Variants in SEMA3A observed in about 807,000 individuals in gnomAD.
SEMA3A encodes the protein semaphorin 3A, also known as semaphorin-3A.
In SEMA3A, 29 loss-of-function variants were observed where a neutral mutation model predicts 97.9. The ratio of observed to expected loss-of-function variants is 0.30; its 90% confidence interval spans 0.22 to 0.40. The LOEUF is 0.40. SEMA3A is among the 10% of genes least tolerant of loss of function. The pLI is 1.00. For synonymous variants in SEMA3A, 321 were observed against 323.7 expected, an observed-to-expected ratio of 0.99 and a Z score of 0.09; for missense variants, 763 against 951.3, an observed-to-expected ratio of 0.80 and a Z score of 2.60.
rs184832550 is a variant in SEMA3A at position 84,205,199 on chromosome 7, T to C, written c.-82-10531A>G. Among the ~76,000 whole-genome samples, 258 of 152,334 alleles carry C rather than the reference T, an allele frequency of 1.7e-3. 1 individual carries two copies. Among genetic ancestry groups the C allele is most frequent in the Admixed American group, 3.5e-3 (53 of 15,298 alleles). ...GTACAATTATTATGGGAATATCTCC[T>C]GCTACTATTTATATTTCAAGTCATT... On this transcript the variant is annotated intron_variant, in intron 3 of 3. Coordinates refer to the SEMA3A transcript ENST00000424555.
At chr7:84,245,953 T>C (rs1296952242) in intron 3 of SEMA3A, among the ~76,000 whole-genome samples, 2 of 152,194 alleles carry the variant, frequency 1.3e-5, no homozygotes, top group Admixed American at 1.3e-4. Context: ...GCTGTGCCCA[T>C]AGCCGCCCCT....
chr7:84,221,848 A>AG (rs1798891038), intron 3 of SEMA3A, among the ~76,000 whole-genome samples: 1 of 152,050 alleles, frequency 6.6e-6, no homozygotes, highest in African/African-American at 2.4e-5. Context: ...AGAATTACCA[A>AG]AATGTGATAC....
At chr7:84,000,179 A>C (rs372897410) in intron 12 of SEMA3A, among the ~76,000 whole-genome samples, 25 of 150,646 alleles carry the variant, frequency 1.7e-4, no homozygotes, top group Middle Eastern at 3.4e-3. Context: ...AACAGAGTCC[A>C]TTTGGACAGT....
chr7:84,203,520 A>ATTTTTTTTT (rs1158876783), intron 3 of SEMA3A, among the ~76,000 whole-genome samples: 3 of 50,222 alleles, frequency 6.0e-5, no homozygotes, highest in African/African-American at 2.2e-4. Context: ...ATATATATAT[A>ATTTTTTTTT]TATATATTTT....
intron 4 of SEMA3A, among the ~76,000 whole-genome samples, chr7:84,084,382 CA>C (rs1044533738): frequency 1.3e-5 from 2 of 151,488 alleles, no homozygotes; most frequent in Non-Finnish European, 2.9e-5. Flanking sequence ...CGAAATATAG[CA>C]GGGGTGATAA....
intron 16 of SEMA3A, 66 bp downstream of exon 16, chr7:83,963,139 A>C: frequency 6.4e-7 from 1 of 1,555,188 alleles, no homozygotes; most frequent in Non-Finnish European, 8.8e-7. Context: ...TCAAGTGAAA[A>C]ATACAAGGAT....
At chr7:84,211,672 G>A (rs1023384195) in intron 3 of SEMA3A, among the ~76,000 whole-genome samples, 1 of 151,972 alleles carries the variant, frequency 6.6e-6, no homozygotes, top group African/African-American at 2.4e-5. Flanking sequence ...GATAAATGGA[G>A]ACATTAACTG....
chr7:83,995,288 C>A (rs1351760571), intron 12 of SEMA3A, among the ~76,000 whole-genome samples: 1 of 152,156 alleles, frequency 6.6e-6, no homozygotes, highest in African/African-American at 2.4e-5. Flanking sequence ...GCGTCGCTCA[C>A]TCTGGGAGCT....
intron 3 of SEMA3A, among the ~76,000 whole-genome samples, chr7:84,276,101 C>G (rs1800287310): frequency 6.6e-6 from 1 of 152,014 alleles, no homozygotes; most frequent in African/African-American, 2.4e-5. Flanking sequence ...TAAGTTCCAG[C>G]TATATGTTAC....
At chr7:84,477,156 A>T (rs1806311379) in intron 1 of SEMA3A, among the ~76,000 whole-genome samples, 1 of 150,444 alleles carries the variant, frequency 6.6e-6, no homozygotes, top group South Asian at 2.1e-4. Flanking sequence ...GACTTAAAAT[A>T]GGCAGGGTGC....
intron 3 of SEMA3A, among the ~76,000 whole-genome samples, chr7:84,126,865 GCT>G (rs1795815205): frequency 6.6e-6 from 1 of 152,146 alleles, no homozygotes; most frequent in Non-Finnish European, 1.5e-5. Context: ...TAGCATACTT[GCT>G]CAGTACATTC....
chr7:84,453,287 G>A (rs1805606824), intron 1 of SEMA3A, among the ~76,000 whole-genome samples: 1 of 149,500 alleles, frequency 6.7e-6, no homozygotes, highest in Non-Finnish European at 1.5e-5. Flanking sequence ...CCAGGCTGGA[G>A]TGCAGTGGCG....
intron 2 of SEMA3A, among the ~76,000 whole-genome samples, chr7:84,345,771 C>A (rs967092896): frequency 6.6e-6 from 1 of 152,204 alleles, no homozygotes; most frequent in Non-Finnish European, 1.5e-5. Context: ...ACTTGCTCCA[C>A]GGAAGTCTTC....
intron 1 of SEMA3A, among the ~76,000 whole-genome samples, chr7:84,391,945 G>C (rs1045844743): frequency 7.2e-6 from 1 of 139,416 alleles, no homozygotes; most frequent in African/African-American, 2.6e-5. Context: ...GAGAAACAGA[G>C]TGAGACCCTG....
intron 1 of SEMA3A, among the ~76,000 whole-genome samples, chr7:84,383,794 C>A (rs997920573): frequency 3.3e-5 from 5 of 152,192 alleles, no homozygotes; most frequent in Admixed American, 6.5e-5. Context: ...ATCTCTACAT[C>A]TAAACCAGTC....
At chr7:83,986,897 A>G (rs1789654493) in intron 12 of SEMA3A, among the ~76,000 whole-genome samples, 1 of 152,030 alleles carries the variant, frequency 6.6e-6, no homozygotes, top group Non-Finnish European at 1.5e-5. Context: ...CATGTAAAAC[A>G]CATTACAAAT....
chr7:84,343,112 T>C (rs1228268176), intron 2 of SEMA3A, among the ~76,000 whole-genome samples: 2 of 152,178 alleles, frequency 1.3e-5, no homozygotes, highest in African/African-American at 2.4e-5. Flanking sequence ...ATGCTCAAAC[T>C]AAGAATTAGA....
chr7:84,154,591 G>T (rs1005863509), intron 1 of SEMA3A, among the ~76,000 whole-genome samples: 1 of 150,770 alleles, frequency 6.6e-6, no homozygotes, highest in East Asian at 2.0e-4. Flanking sequence ...CAGAAGAATC[G>T]CTTGAACCTG....
At chr7:84,371,302 T>A (rs1334260441) in intron 2 of SEMA3A, among the ~76,000 whole-genome samples, 1 of 151,824 alleles carries the variant, frequency 6.6e-6, no homozygotes, top group South Asian at 2.1e-4. Context: ...TCATATAGTA[T>A]GGGGGAAGTA....
Sources: allele counts gnomAD v4.1 joint callset (sites outside exome capture counted in the v4.1 genomes callset), GRCh38; gene constraint gnomAD v4.1.1; transcripts MANE v1.5; gene names NCBI Gene and HGNC (gene_info 2026-07-23, HGNC 2026-07-21).